Variants in LRRC9 observed in about 807,000 individuals in gnomAD.
LRRC9 encodes the protein leucine-rich repeat-containing protein 9.
LRRC9 carries 122 observed loss-of-function variants against 63.2 expected under a neutral mutation model. That is an observed-to-expected ratio of 1.93 (90% confidence interval 1.67 to 2.24). LRRC9 has a LOEUF of 2.24. Ranked by LOEUF, LRRC9 falls within the 30% of genes most tolerant of loss-of-function variation. The pLI is 0.00. For synonymous variants in LRRC9, 366 were observed against 213.1 expected (o/e 1.72, Z -6.25); for missense variants, 1,071 against 627.7 (o/e 1.71, Z -7.55).
At position 60,014,384 on chromosome 14, in the gene LRRC9, CT is replaced by C. The variant is rs149984682; in HGVS notation, c.3187-2266del. Among the ~76,000 whole-genome samples the C allele has an allele frequency of 7.3e-3, 1,091 of 148,586 alleles. 9 individuals carry two copies. Among genetic ancestry groups the C allele is most frequent in the African/African-American group, 0.025 (1,017 of 40,652 alleles). ...CCTCTTTCCTGGCATTCCAAGATTC[CT>C]TTTTTTTTTCTTTCCATTTCAAAAA... On this transcript the variant is annotated intron_variant, in intron 23 of 31. Coordinates refer to ENST00000445360, the Ensembl canonical transcript of LRRC9.
chr14:59,933,108 T>C (rs931738012), intron 6 of LRRC9, among the ~76,000 whole-genome samples: 1 of 152,184 alleles, frequency 6.6e-6, no homozygotes, highest in Admixed American at 6.6e-5. Context: ...CTCATATACC[T>C]GCATGGCTCA....
chr14:59,969,280 G>T (rs964746336), intron 12 of LRRC9: 1 of 151,990 alleles, frequency 6.6e-6, no homozygotes, highest in Admixed American at 6.6e-5. Flanking sequence ...CTATTTTTCT[G>T]ATTGTTATTC....
At chr14:59,952,747 T>C (rs1388810427) in intron 8 of LRRC9, among the ~76,000 whole-genome samples, 1 of 152,248 alleles carries the variant, frequency 6.6e-6, no homozygotes, top group South Asian at 2.1e-4. Context: ...CCTATCAACC[T>C]GTCATCTAGG....
downstream of LRRC9, among the ~76,000 whole-genome samples, chr14:60,065,217 T>G (rs1481810073): frequency 6.6e-6 from 1 of 151,888 alleles, no homozygotes; most frequent in Admixed American, 6.6e-5. Flanking sequence ...CCATCTCTAC[T>G]AAAAATACAA....
intron 1 of LRRC9, among the ~76,000 whole-genome samples, chr14:59,926,857 T>C (rs1889252158): frequency 1.3e-5 from 2 of 152,108 alleles, no homozygotes; most frequent in South Asian, 2.1e-4. Flanking sequence ...TATGACAAAA[T>C]GTTCAGAGAA....
At chr14:60,013,409 C>A (rs1031943870) in intron 23 of LRRC9, among the ~76,000 whole-genome samples, 1 of 152,066 alleles carries the variant, frequency 6.6e-6, no homozygotes, top group African/African-American at 2.4e-5. Context: ...AGGAAACTTA[C>A]CTCTGCTTTT....
intron 1 of LRRC9, among the ~76,000 whole-genome samples, chr14:59,924,198 A>G (rs557371379): frequency 6.6e-6 from 1 of 152,216 alleles, no homozygotes; most frequent in Admixed American, 6.5e-5. Context: ...CAGCTAGGCT[A>G]TCCTTTGGTA....
Position 60,062,196 on chromosome 14 carries a change from T to A in LRRC9, c.4277-1127T>A. ...TAAGAGAAGGTAAAGCTATTTTCTC[T>A]GTGTTTTAATATCATTTCTCATCAT... On this transcript the variant is annotated intron_variant, in intron 31 of 31. Transcript: ENST00000445360. 2.5e-6 allele frequency: 1 copy of A among 398,622 alleles called. No individual in the cohort carries two copies. The highest frequency in any genetic ancestry group is 4.4e-6 in the Non-Finnish European group (1 of 225,888). The allele number at this position is 398,622 out of a possible 1,614,324, so 24.7% of individuals were successfully genotyped here.
In LRRC9 at chr14:60,058,264, T is replaced by G. The variant is rs908748419; in HGVS notation, c.4276+242T>G. 6.6e-6 allele frequency among the ~76,000 whole-genome samples: 1 copy of G among 152,192 alleles called. No homozygotes were observed. Among genetic ancestry groups the G allele is most frequent in the Non-Finnish European group, 1.5e-5 (1 of 68,012 alleles). On this transcript the variant is annotated intron_variant, in intron 31 of 31. Transcript: ENST00000445360. The surrounding 1 kb of genome is among the most constrained non-coding windows in gnomAD (Gnocchi z 4.4). ...ATGTTGTGACTAAACATTTGCTCACTTGCAATGTGAACTTTGTGATACTTG... is the reference window on the plus strand; with the variant it reads ...ATGTTGTGACTAAACATTTGCTCACGTGCAATGTGAACTTTGTGATACTTG...
At chr14:59,976,756 G>A (rs1018563747) in intron 13 of LRRC9, among the ~76,000 whole-genome samples, 1 of 152,048 alleles carries the variant, frequency 6.6e-6, no homozygotes, top group Non-Finnish European at 1.5e-5. Context: ...TACGTTTTTA[G>A]TTTCTTGACT....
chr14:60,004,937 AT>A lies in LRRC9; in HGVS notation c.2842+1143del, dbSNP rs1446066624. 6.6e-6 allele frequency among the ~76,000 whole-genome samples: 1 copy of A among 151,948 alleles called. No homozygotes were observed. The highest frequency in any genetic ancestry group is 1.5e-5 in the Non-Finnish European group (1 of 67,908). The stretch of plus-strand genomic sequence containing the variant: ...GAATAAAGAATATTTCTGTATGTGC[AT>A]TTTGGTAACATGGTTGTGTTTGTCA... On this transcript the variant is annotated intron_variant, in intron 21 of 31. Coordinates refer to ENST00000445360, the Ensembl canonical transcript of LRRC9. This position sits in a 1 kb window ranked among gnomAD's most constrained non-coding sequence, Gnocchi z 4.8.
At chr14:59,959,297 G>A (rs894969263) in intron 8 of LRRC9, among the ~76,000 whole-genome samples, 2 of 152,118 alleles carry the variant, frequency 1.3e-5, no homozygotes, top group Non-Finnish European at 2.9e-5. Flanking sequence ...GCTGTGCTGA[G>A]TCATGTAAGA....
intron 12 of LRRC9, among the ~76,000 whole-genome samples, chr14:59,968,645 G>A (rs759497395): frequency 3.3e-5 from 5 of 152,186 alleles, no homozygotes; most frequent in Non-Finnish European, 7.3e-5. Context: ...TAAGAAGGAG[G>A]TGAGGAATTC....
intron 23 of LRRC9, among the ~76,000 whole-genome samples, chr14:60,013,668 C>G (rs550406738): frequency 6.6e-6 from 1 of 152,210 alleles, no homozygotes; most frequent in Admixed American, 6.5e-5. Context: ...AATGTTCTGT[C>G]TGACTCTGGT....
intron 29 of LRRC9, among the ~76,000 whole-genome samples, chr14:60,044,917 T>A (rs1893278365): frequency 6.6e-6 from 1 of 152,206 alleles, no homozygotes; most frequent in Non-Finnish European, 1.5e-5. Context: ...TGTTGCAGTC[T>A]GTCTCTTTCT....
In LRRC9 at chr14:60,000,474, T is replaced by C. The variant is rs374227705; in HGVS notation, c.2529+1248T>C. 4.6e-5 allele frequency among the ~76,000 whole-genome samples: 7 copies of C among 151,988 alleles called. No individual in the cohort carries two copies. The East Asian group carries it at 1.2e-3, about 25-fold the overall frequency. On this transcript the variant is annotated intron_variant, in intron 19 of 31. Transcript: ENST00000445360. ...AGAAAATTAGTTTTTTAAAAAGAAATCAAATCCTGCTAAAATCCTTTAAGA... is the reference window on the plus strand; with the variant it reads ...AGAAAATTAGTTTTTTAAAAAGAAACCAAATCCTGCTAAAATCCTTTAAGA...
chr14:59,971,991 A>T (rs932152994), intron 12 of LRRC9, among the ~76,000 whole-genome samples: 1 of 152,140 alleles, frequency 6.6e-6, no homozygotes, highest in Admixed American at 6.6e-5. Flanking sequence ...TTCGCATTAC[A>T]TGTAATGATG....
At chr14:60,049,585 C>A (rs961113412) in intron 29 of LRRC9, among the ~76,000 whole-genome samples, 3 of 152,122 alleles carry the variant, frequency 2.0e-5, no homozygotes, top group African/African-American at 7.2e-5. Context: ...GGCCCCCAGT[C>A]TCTTCTGGTT....
intron 17 of LRRC9, among the ~76,000 whole-genome samples, chr14:59,988,393 G>A (rs1414763172): frequency 6.6e-6 from 1 of 152,064 alleles, no homozygotes; most frequent in East Asian, 1.9e-4. Context: ...ATAACCTTAT[G>A]AATTTTTTAT....
Sources: gnomAD v4.1 joint callset for allele counts (sites outside exome capture counted in the v4.1 genomes callset) on GRCh38, gnomAD v4.1.1 for gene constraint, Gnocchi (gnomAD v3.1) non-coding constraint, MANE v1.5 for transcripts, NCBI Gene and HGNC (gene_info 2026-07-23, HGNC 2026-07-21) for gene names.